Variants in ADH7 observed in about 807,000 individuals in gnomAD.
ADH7 encodes all-trans-retinol dehydrogenase [NAD(+)] ADH7.
Under a neutral mutation model 34.4 loss-of-function variants are expected in ADH7, and 41 were observed. The ratio of observed to expected loss-of-function variants is 1.19; its 90% CI spans 0.93 to 1.55. The LOEUF (loss-of-function observed/expected upper bound fraction) is 1.55, where lower values mean the gene tolerates loss of function less well. Among genes scored for constraint, ADH7 ranks in the 40% most tolerant of loss-of-function variants. ADH7 has a pLI of 0.00. For synonymous variants in ADH7, 180 were observed against 160.9 expected (o/e 1.12, Z -0.90); for missense variants, 540 against 461.2 (o/e 1.17, Z -1.56).
rs772416387 is a variant in ADH7 at position 99,427,999 on chromosome 4, A to G, written c.348-10T>C. On this transcript the variant is annotated splice_polypyrimidine_tract_variant and intron_variant, in intron 4 of 8. Coordinates refer to ENST00000437033, the MANE Select transcript of ADH7 (RefSeq NM_000673.7). ...TCCACGACCAGTAATACTGTTTGAT[A>G]CATCAAATACACGTATTAATTAATT... The G allele has an allele frequency of 1.2e-6, 2 of 1,613,174 alleles. No homozygotes were observed. The highest frequency in any genetic ancestry group is 2.2e-5 in the South Asian group (2 of 91,018).
intron 7 of ADH7, among the ~76,000 whole-genome samples, chr4:99,417,660 G>A (rs755127606): frequency 5.9e-5 from 9 of 151,966 alleles, no homozygotes; most frequent in Non-Finnish European, 1.2e-4. Context: ...CTGAGATCAG[G>A]GACTTGGTAT....
chr4:99,428,583 T>A lies in ADH7; in HGVS notation c.168A>T (p.Gly56=). The A allele has an allele frequency of 6.2e-7, 1 of 1,613,950 alleles. No homozygotes were observed. The highest frequency in any genetic ancestry group is 8.5e-7 in the Non-Finnish European group (1 of 1,179,888). The change falls in exon 3 of 9, where the codon GGA becomes GGT. Residue 56 remains glycine, a synonymous_variant. Transcript: ENST00000437033. ...TCACTGGAAACTTGGACACCATTGT[T>A]CCTTTTATCACATGGTCATCTGTGC... ...ICRTDDHVIK[G]TMVSKFPVIV...
rs540262474 is a variant in ADH7, at chr4:99,418,529, C to T, written c.961+457G>A. ...TTAATTGTTGAGTGATAATCTAAGT[C>T]CTTCCAGTGTGAATCTGAACTGTTC... On this transcript the variant is annotated intron_variant, in intron 7 of 8. Transcript: ENST00000437033. 3.3e-5 allele frequency among the ~76,000 whole-genome samples: 5 copies of T among 152,262 alleles called. No individual in the cohort carries two copies. In the South Asian group the frequency reaches 1.0e-3, roughly 32 times the overall value.
intron 1 of ADH7, 157 bp downstream of exon 1, chr4:99,435,059 T>C: frequency 6.5e-7 from 1 of 1,545,500 alleles, no homozygotes; most frequent in Non-Finnish European, 8.7e-7. Flanking sequence ...TGAAACACCA[T>C]ATCCAGTGTT....
intron 1 of ADH7, among the ~76,000 whole-genome samples, chr4:99,434,143 G>A (rs1721997016): frequency 6.6e-6 from 1 of 152,190 alleles, no homozygotes; most frequent in Non-Finnish European, 1.5e-5. Flanking sequence ...TGTTCTTACA[G>A]TGGATGAATA....
At chr4:99,424,018 T>C (rs368928816) in intron 5 of ADH7, among the ~76,000 whole-genome samples, 5 of 151,550 alleles carry the variant, frequency 3.3e-5, no homozygotes, top group East Asian at 3.9e-4. Context: ...TTAGGTCTAA[T>C]GTTTAAGTCT....
intron 4 of ADH7, 28 bp downstream of exon 4, chr4:99,428,059 C>T (rs773865462): frequency 2.0e-5 from 32 of 1,613,116 alleles, no homozygotes; most frequent in Admixed American, 1.7e-4. Flanking sequence ...AATGTAAATA[C>T]ATTAAAGTAA....
At chr4:99,428,336 A>G (rs909645009) in intron 3 of ADH7, among the ~76,000 whole-genome samples, 156 bp downstream of exon 3, 1 of 152,214 alleles carries the variant, frequency 6.6e-6, no homozygotes, top group Non-Finnish European at 1.5e-5. Context: ...GGTTTTGCCA[A>G]ATTAAACATT....
chr4:99,424,439 G>T (rs1721748742), intron 5 of ADH7, among the ~76,000 whole-genome samples: 1 of 152,060 alleles, frequency 6.6e-6, no homozygotes, highest in South Asian at 2.1e-4. Flanking sequence ...GCTTGATGGG[G>T]ATGGCATTGA....
intron 5 of ADH7, among the ~76,000 whole-genome samples, chr4:99,426,940 A>G (rs1420017777): frequency 3.3e-5 from 5 of 152,200 alleles, no homozygotes; most frequent in Non-Finnish European, 7.3e-5. Flanking sequence ...CTGCATATAA[A>G]CAGAACCAAA....
At chr4:99,425,068 A>T (rs1232439242) in intron 5 of ADH7, among the ~76,000 whole-genome samples, 1 of 152,152 alleles carries the variant, frequency 6.6e-6, no homozygotes, top group Non-Finnish European at 1.5e-5. Context: ...AGAACTAAAC[A>T]TAGAAAGGAA....
At chr4:99,429,476 A>G in intron 2 of ADH7, 56 bp downstream of exon 2, 1 of 1,305,688 alleles carries the variant, frequency 7.7e-7, no homozygotes, top group Non-Finnish European at 1.1e-6. Flanking sequence ...ACAGTGCTAT[A>G]TTCAATATAA....
In ADH7 at chr4:99,435,333, T is replaced by C; in HGVS notation, c.-100A>G. The C allele has an allele frequency of 1.3e-6, 2 of 1,527,458 alleles. No homozygotes were observed. Among genetic ancestry groups the C allele is most frequent in the South Asian group, 1.2e-5 (1 of 86,128 alleles). 94.6% of individuals were successfully genotyped at this position (1,527,458 alleles called of 1,614,324 possible). On this transcript the variant is annotated 5_prime_UTR_variant, in exon 1 of 9. The change abolishes an upstream ATG in the 5' untranslated region. Coordinates refer to ENST00000437033, the MANE Select transcript of ADH7 (RefSeq NM_000673.7). The stretch of plus-strand genomic sequence containing the variant: ...TATAACAGCAGCTTGTGCCTTCACA[T>C]AGATAGTCTGGCTTCAGAGTTCCAC...
intron 7 of ADH7, among the ~76,000 whole-genome samples, chr4:99,416,955 A>T (rs772935027): frequency 3.3e-5 from 5 of 152,136 alleles, no homozygotes; most frequent in Non-Finnish European, 5.9e-5. Context: ...AAAATCTTGG[A>T]TGCTACTCTT....
chr4:99,415,660 T>C (rs749844008), intron 7 of ADH7, 44 bp from the exon 8 acceptor site: 3 of 1,572,348 alleles, frequency 1.9e-6, no homozygotes, highest in Non-Finnish European at 2.6e-6. Context: ...TACTAAATAA[T>C]CCTTATCTTT....
At chr4:99,424,769 T>C (rs1386771921) in intron 5 of ADH7, among the ~76,000 whole-genome samples, 1 of 152,136 alleles carries the variant, frequency 6.6e-6, no homozygotes, top group Non-Finnish European at 1.5e-5. Context: ...CTTAAGGAGA[T>C]TTTGGGCTGA....
intron 6 of ADH7, 114 bp from the exon 7 acceptor site, chr4:99,419,235 G>A: frequency 7.7e-7 from 1 of 1,297,466 alleles, no homozygotes; most frequent in East Asian, 2.6e-5. Context: ...AAGCCACCTT[G>A]TTTTTTACTT....
At position 99,429,562 on chromosome 4, in the gene ADH7, G is replaced by A; in HGVS notation, c.90C>T (p.Ala30=). The change falls in exon 2 of 9, where the codon GCC becomes GCT. Residue 30 remains alanine (A), a synonymous_variant. Transcript: ENST00000437033. ...QPFSIEEIEV[A]PPKTKEVRIK... The stretch of plus-strand genomic sequence containing the variant: ...TGCGAACTTCTTTAGTCTTTGGTGG[G>A]GCAACTTCTATTTCCTCAATGGAGA... The A allele has an allele frequency of 1.2e-6, 2 of 1,612,120 alleles. No individual in the cohort carries two copies. The highest frequency in any genetic ancestry group is 1.7e-6 in the Non-Finnish European group (2 of 1,179,066).
chr4:99,427,362 G>T (rs987561658), intron 5 of ADH7, among the ~76,000 whole-genome samples: 3 of 152,086 alleles, frequency 2.0e-5, no homozygotes, highest in African/African-American at 7.2e-5. Context: ...TGAGAAGTTG[G>T]TAATGTACTT....
Sources: allele counts gnomAD v4.1 joint callset (sites outside exome capture counted in the v4.1 genomes callset), GRCh38; gene constraint gnomAD v4.1.1; transcripts MANE v1.5; gene names NCBI Gene and HGNC (gene_info 2026-07-23, HGNC 2026-07-21).